Variants in SUSD5 observed in about 807,000 individuals in gnomAD.
The protein encoded by SUSD5 is sushi domain-containing protein 5.
SUSD5 carries 33 observed loss-of-function variants against 29.5 expected under a neutral mutation model. That is an observed-to-expected ratio of 1.12 (90% CI 0.85 to 1.49). The LOEUF is 1.49. Among genes scored for constraint, SUSD5 ranks in the 40% most tolerant of loss-of-function variants. The pLI, the probability that SUSD5 is intolerant of heterozygous loss-of-function variation, is 0.00. For synonymous variants in SUSD5, 308 were observed against 325.3 expected (o/e 0.95, Z 0.57); for missense variants, 776 against 800.6 (o/e 0.97, Z 0.37).
Position 33,218,807 on chromosome 3 carries a change from G to A in SUSD5, c.-10C>T. On this transcript the variant is annotated 5_prime_UTR_variant, in exon 1 of 5. Transcript: ENST00000309558. ...GTCCCTCGGCAGTCATGGTCCGGGA[G>A]TGCGCGGGCCAGCGGACTCGGGTGA... 1 of 1,442,010 alleles carries A rather than the reference G, an allele frequency of 6.9e-7. No homozygotes were observed. Among genetic ancestry groups the A allele is most frequent in the South Asian group, 1.4e-5 (1 of 71,190 alleles). The allele number at this position is 1,442,010 out of a possible 1,614,324, so 89.3% of individuals were successfully genotyped here. A position where few individuals can be genotyped will look rare whatever the true frequency, so the allele number is the denominator to read the frequency against.
Position 33,189,219 on chromosome 3 carries a change from C to A in SUSD5, c.410-14145G>T, listed in dbSNP as rs138751609. ...AGCCGGCTGGGCGTGGTGGCTCACACCTGTAATCCCAGCACTTTGGGAGGC... is the reference window on the plus strand; with the variant it reads ...AGCCGGCTGGGCGTGGTGGCTCACAACTGTAATCCCAGCACTTTGGGAGGC... On this transcript the variant is annotated intron_variant, in intron 3 of 4. Coordinates refer to ENST00000309558, the MANE Select transcript of SUSD5 (RefSeq NM_015551.2). Among the ~76,000 whole-genome samples the A allele has an allele frequency of 3.5e-4, 54 of 152,272 alleles. No individual in the cohort carries two copies. In the East Asian group the frequency reaches 8.5e-3, roughly 24 times the overall value.
chr3:33,158,011 C>T (rs904864490), intron 4 of SUSD5, among the ~76,000 whole-genome samples: 1 of 152,242 alleles, frequency 6.6e-6, no homozygotes, highest in African/African-American at 2.4e-5. Flanking sequence ...GGCATTGTGT[C>T]CCTAAAGTAG....
intron 1 of SUSD5, among the ~76,000 whole-genome samples, chr3:33,218,199 C>T (rs1470951896): frequency 6.6e-6 from 1 of 152,192 alleles, no homozygotes; most frequent in Non-Finnish European, 1.5e-5. Context: ...TCTGGCCAGG[C>T]CATTCTCTCT....
Position 33,163,736 on chromosome 3 carries a change from G to A in SUSD5, c.599-9703C>T, listed in dbSNP as rs566231318. 3.3e-5 allele frequency among the ~76,000 whole-genome samples: 5 copies of A among 152,254 alleles called. No homozygotes were observed. In the East Asian group the frequency reaches 7.7e-4, roughly 24 times the overall value. ...AAAATGGCCGGGTGCGGTGGCTCAC[G>A]CCTGTAATCCCAGCACTTTGGGAGG... On this transcript the variant is annotated intron_variant, in intron 4 of 4. Transcript: ENST00000309558.
intron 3 of SUSD5, among the ~76,000 whole-genome samples, chr3:33,179,685 T>C (rs1359588609): frequency 6.6e-6 from 1 of 152,256 alleles, no homozygotes; most frequent in Admixed American, 6.5e-5. Context: ...TATTAGTAAT[T>C]TGCATCTTCT....
chr3:33,208,123 G>A (rs2032257639), intron 2 of SUSD5, among the ~76,000 whole-genome samples, 197 bp from the exon 3 acceptor site: 2 of 152,196 alleles, frequency 1.3e-5, no homozygotes, highest in Admixed American at 6.5e-5. Flanking sequence ...TTCAGTTGAT[G>A]TTATAGGTAT....
At position 33,204,373 on chromosome 3, in the gene SUSD5, T is replaced by G. The variant is rs1039640451; in HGVS notation, c.409+3435A>C. Among the ~76,000 whole-genome samples, 5 of 151,912 alleles carry G rather than the reference T, an allele frequency of 3.3e-5. No individual in the cohort carries two copies. The highest frequency in any genetic ancestry group is 1.2e-4 in the African/African-American group (5 of 41,350). On this transcript the variant is annotated intron_variant, in intron 3 of 4. Coordinates refer to ENST00000309558, the MANE Select transcript of SUSD5 (RefSeq NM_015551.2). This position sits in a 1 kb window ranked among gnomAD's most constrained non-coding sequence, Gnocchi z 4.5. ...TCTTGTTCTGTCACCCAGGGTGGAG[T>G]GCAGTGGTGCGATCTCGGCTCACTG... is the stretch of plus-strand genomic sequence containing the variant.
Position 33,204,690 on chromosome 3 carries a change from C to T in SUSD5, c.409+3118G>A. On this transcript the variant is annotated intron_variant, in intron 3 of 4. Transcript: ENST00000309558. This position sits in a 1 kb window ranked among gnomAD's most constrained non-coding sequence, Gnocchi z 4.5. ...TTTGAGACAGTCTTGCTCTGTCGCC[C>T]AGGATGGAGTGCAGTGATGTGATCT... 6.6e-6 allele frequency among the ~76,000 whole-genome samples: 1 copy of T among 151,710 alleles called. No individual in the cohort carries two copies. Among genetic ancestry groups the T allele is most frequent in the East Asian group, 1.9e-4 (1 of 5,174 alleles).
Position 33,154,160 on chromosome 3 carries a change from G to A in SUSD5, c.599-127C>T, listed in dbSNP as rs765660580. 6.3e-5 allele frequency: 49 copies of A among 773,158 alleles called. No homozygotes were observed. The South Asian group carries it at 8.2e-4, about 13-fold the overall frequency. 47.9% of individuals were successfully genotyped at this position (773,158 alleles called of 1,614,324 possible). On this transcript the variant is annotated intron_variant, in intron 4 of 4. Transcript: ENST00000309558. ...AATAATACTGTTATTATTCACAGAT[G>A]ATATGACTGTGTATCATAGATAAAC... is the stretch of plus-strand genomic sequence containing the variant.
At chr3:33,165,307 G>C (rs1575529572) in intron 4 of SUSD5, among the ~76,000 whole-genome samples, 1 of 152,148 alleles carries the variant, frequency 6.6e-6, no homozygotes, top group East Asian at 1.9e-4. Context: ...ATTCAAGTGA[G>C]GTGGGCGAAT....
Position 33,153,186 on chromosome 3 carries a change from G to A in SUSD5, c.1446C>T (p.Pro482=), listed in dbSNP as rs1021512848. ...LPWRFITEES[P]MATLSYELTS... is the part of the protein sequence containing the mutation. ...TGAGCTCATAGGACAGGGTGGCCAT[G>A]GGAGATTCCTCTGTGATGAATCTCC... The change falls in exon 5 of 5, where the codon CCC becomes CCT. Residue 482 remains proline (P), a synonymous_variant. Coordinates refer to ENST00000309558, the MANE Select transcript of SUSD5 (RefSeq NM_015551.2). The A allele has an allele frequency of 2.5e-6, 4 of 1,613,638 alleles. No individual in the cohort carries two copies. The highest frequency in any genetic ancestry group is 1.3e-5 in the African/African-American group (1 of 74,880).
intron 3 of SUSD5, among the ~76,000 whole-genome samples, chr3:33,182,979 T>C (rs1436122683): frequency 6.6e-6 from 1 of 151,550 alleles, no homozygotes; most frequent in African/African-American, 2.4e-5. Context: ...TTTTTTTTAG[T>C]AGAGACAGGG....
intron 4 of SUSD5, among the ~76,000 whole-genome samples, chr3:33,156,790 T>C (rs1234736584): frequency 6.6e-6 from 1 of 152,224 alleles, no homozygotes; most frequent in Non-Finnish European, 1.5e-5. Context: ...TAAGACTCTG[T>C]ATCTTGCTTA....
At position 33,153,142 on chromosome 3, in the gene SUSD5, A is replaced by T; in HGVS notation, c.1490T>A (p.Ile497Lys). The change falls in exon 5 of 5, where the codon ATA becomes AAA. Residue 497 changes from isoleucine to lysine, a missense_variant. Transcript: ENST00000309558. ...SYELTSSTLE[I>K]LTVNTVKQTP... is the part of the protein sequence containing the mutation. ...CTGCTTGACAGTGTTCACTGTTAAT[A>T]TCTCCAGGGTGGAGCTGGTGAGCTC... The T allele has an allele frequency of 6.2e-7, 1 of 1,613,838 alleles. No individual in the cohort carries two copies.
intron 3 of SUSD5, among the ~76,000 whole-genome samples, chr3:33,180,529 T>A (rs1219363368): frequency 6.6e-6 from 1 of 152,102 alleles, no homozygotes; most frequent in Non-Finnish European, 1.5e-5. Flanking sequence ...CCCAGCTAAT[T>A]AAAAAAATTT....
intron 3 of SUSD5, among the ~76,000 whole-genome samples, chr3:33,207,196 G>GA (rs1159051784): frequency 6.6e-6 from 1 of 152,022 alleles, no homozygotes; most frequent in Non-Finnish European, 1.5e-5. Context: ...TCCTTTTTGG[G>GA]AAAAATATTA....
At chr3:33,207,549 G>A (rs1042825009) in intron 3 of SUSD5, among the ~76,000 whole-genome samples, 14 of 152,078 alleles carry the variant, frequency 9.2e-5, no homozygotes, top group Admixed American at 2.0e-4. Context: ...TATCTCCAGG[G>A]GTTTCCTGAG....
rs752024757 is a variant in SUSD5 at position 33,150,343 on chromosome 3, CTG to C, written c.*2397_*2398del. The C allele has an allele frequency of 3.4e-4, 51 of 152,190 alleles. No individual in the cohort carries two copies. Among genetic ancestry groups the C allele is most frequent in the Admixed American group, 1.9e-3 (29 of 15,280 alleles). The allele number at this position is 152,190 out of a possible 1,614,324, so 9.4% of individuals were successfully genotyped here. Reference sequence around the variant, plus strand: ...AATTTGTAATAAATTTATTAATACACTGTATTAATAATTTGTAATAAATTTAT... The same window carrying C: ...AATTTGTAATAAATTTATTAATACACTATTAATAATTTGTAATAAATTTAT... On this transcript the variant is annotated 3_prime_UTR_variant, in exon 5 of 5. Coordinates refer to ENST00000309558, the MANE Select transcript of SUSD5 (RefSeq NM_015551.2).
At chr3:33,163,546 C>T (rs2031237449) in intron 4 of SUSD5, among the ~76,000 whole-genome samples, 1 of 152,060 alleles carries the variant, frequency 6.6e-6, no homozygotes, top group Non-Finnish European at 1.5e-5. Context: ...TTTTAAAATA[C>T]ACCTTTTTGT....
Sources: allele counts gnomAD v4.1 joint callset (sites outside exome capture counted in the v4.1 genomes callset), GRCh38; gene constraint gnomAD v4.1.1; non-coding constraint Gnocchi (gnomAD v3.1); transcripts MANE v1.5; gene names NCBI Gene and HGNC (gene_info 2026-07-23, HGNC 2026-07-21).